Variants in LIFR observed in about 807,000 individuals in gnomAD.
The protein encoded by LIFR is LIF receptor subunit alpha.
LIFR carries 84 observed loss-of-function variants against 122.2 expected under a neutral mutation model. The observed-to-expected ratio is 0.69, with a 90% CI of 0.58 to 0.82. LIFR has a LOEUF of 0.82. LIFR is among the 40% of genes least tolerant of loss of function. The probability of loss-of-function intolerance (pLI) is 0.00; values close to 1 mark genes in which losing one functional copy is unlikely to be tolerated. For missense variants in LIFR, 1,294 were observed against 1,311.6 expected (o/e 0.99, Z 0.21); for synonymous variants, 422 against 434.7 (o/e 0.97, Z 0.36).
chr5:38,601,011 G>A (rs1750212788), intron 2 of LIFR, among the ~76,000 whole-genome samples: 1 of 152,164 alleles, frequency 6.6e-6, no homozygotes, highest in Admixed American at 6.5e-5. Context: ...GGGTGTTATG[G>A]ACTGAATATT....
At chr5:38,488,221 A>G (rs540552520) in intron 16 of LIFR, among the ~76,000 whole-genome samples, 1 of 152,294 alleles carries the variant, frequency 6.6e-6, no homozygotes, top group South Asian at 2.1e-4. Flanking sequence ...GCAATCATGA[A>G]GGTTCAGGAA....
At chr5:38,487,264 A>G (rs374152530) in intron 16 of LIFR, among the ~76,000 whole-genome samples, 3 of 152,322 alleles carry the variant, frequency 2.0e-5, no homozygotes, top group African/African-American at 4.8e-5. Flanking sequence ...GGGAAAGTAA[A>G]TGTTTGCAGC....
At chr5:38,550,566 T>G (rs1748148191) in intron 1 of LIFR, among the ~76,000 whole-genome samples, 1 of 152,234 alleles carries the variant, frequency 6.6e-6, no homozygotes, top group African/African-American at 2.4e-5. Flanking sequence ...AACTGTATAT[T>G]CTTTCAGATT....
intron 1 of LIFR, among the ~76,000 whole-genome samples, chr5:38,533,891 A>G (rs1747152836): frequency 6.6e-6 from 1 of 152,244 alleles, no homozygotes; most frequent in South Asian, 2.1e-4. Context: ...AGCATCTTTT[A>G]TCTCAAGAAT....
At chr5:38,493,924 A>G in intron 13 of LIFR, 139 bp from the exon 14 acceptor site, 3 of 718,554 alleles carry the variant, frequency 4.2e-6, no homozygotes, top group South Asian at 3.3e-5. Flanking sequence ...ATAAACCTAG[A>G]GCAAAGATTA....
Position 38,476,932 on chromosome 5 carries a change from C to A in LIFR, c.*4663G>T, listed in dbSNP as rs1012674708. On this transcript the variant is annotated 3_prime_UTR_variant, in exon 20 of 20. Transcript: ENST00000453190. ...TTCCTAATATAGGGAAAAATAAGCACCATTCATAGCTAAAAATAATAGAAT... is the reference window on the plus strand; with the variant it reads ...TTCCTAATATAGGGAAAAATAAGCAACATTCATAGCTAAAAATAATAGAAT... 4.6e-6 allele frequency: 1 copy of A among 217,258 alleles called. No homozygotes were observed. Among genetic ancestry groups the A allele is most frequent in the South Asian group, 1.9e-4 (1 of 5,366 alleles). The allele number at this position is 217,258 out of a possible 1,614,324, so 13.5% of individuals were successfully genotyped here. A position where few individuals can be genotyped will look rare whatever the true frequency, so the allele number is the denominator to read the frequency against.
rs148260839 is a variant in LIFR, at chr5:38,535,218, C to G, written c.-19-4552G>C. Among the ~76,000 whole-genome samples, 91 of 152,268 alleles carry G rather than the reference C, an allele frequency of 6.0e-4. 2 individuals carry two copies. The South Asian group carries it at 0.01, about 17-fold the overall frequency. Reference sequence around the variant, plus strand: ...GGCTGCCATTCCACAGCTGCCAGACCCTTCAGGACTCCTTAGGCCAGCACC... The same window carrying G: ...GGCTGCCATTCCACAGCTGCCAGACGCTTCAGGACTCCTTAGGCCAGCACC... On this transcript the variant is annotated intron_variant, in intron 1 of 19. Transcript: ENST00000453190.
intron 1 of LIFR, among the ~76,000 whole-genome samples, chr5:38,544,948 C>T (rs911943473): frequency 6.6e-6 from 1 of 152,052 alleles, no homozygotes; most frequent in Admixed American, 6.6e-5. Flanking sequence ...AGTTATGCAC[C>T]ATGGAAGATT....
intron 6 of LIFR, among the ~76,000 whole-genome samples, 183 bp from the exon 7 acceptor site, chr5:38,510,901 A>T (rs963149880): frequency 6.6e-5 from 10 of 150,530 alleles, no homozygotes; most frequent in African/African-American, 2.4e-4. Context: ...CAGGTTTTGT[A>T]GGAGCAAGAT....
intron 1 of LIFR, among the ~76,000 whole-genome samples, chr5:38,544,193 CTT>C (rs963850308): frequency 1.3e-5 from 2 of 152,142 alleles, no homozygotes; most frequent in Non-Finnish European, 2.9e-5. Flanking sequence ...AAGTGGTCCT[CTT>C]GTTTCCAGTC....
chr5:38,509,823 C>A (rs1580071985), intron 7 of LIFR, among the ~76,000 whole-genome samples: 1 of 152,302 alleles, frequency 6.6e-6, no homozygotes, highest in African/African-American at 2.4e-5. Flanking sequence ...ACATTCAACA[C>A]AAGCCACATG....
At chr5:38,562,461 A>C (rs1748871934) in intron 1 of LIFR, among the ~76,000 whole-genome samples, 1 of 152,206 alleles carries the variant, frequency 6.6e-6, no homozygotes, top group Non-Finnish European at 1.5e-5. Flanking sequence ...AATTGATGCT[A>C]CCTTCTTTCT....
intron 1 of LIFR, among the ~76,000 whole-genome samples, chr5:38,545,874 A>T (rs1747861402): frequency 6.6e-6 from 1 of 151,250 alleles, no homozygotes; most frequent in African/African-American, 2.4e-5. Flanking sequence ...AAAAAAAGAA[A>T]AAAAAAAAAA....
intron 1 of LIFR, among the ~76,000 whole-genome samples, chr5:38,592,920 A>G (rs556458969): frequency 6.6e-6 from 1 of 151,764 alleles, no homozygotes; most frequent in African/African-American, 2.4e-5. Context: ...AAGGAGAAGG[A>G]GCAGCTGGGC....
At chr5:38,552,648 GT>G (rs1029223182) in intron 1 of LIFR, among the ~76,000 whole-genome samples, 1 of 152,080 alleles carries the variant, frequency 6.6e-6, no homozygotes, top group African/African-American at 2.4e-5. Flanking sequence ...GAAAAGGTTT[GT>G]TTTTAAGGTT....
intron 1 of LIFR, among the ~76,000 whole-genome samples, chr5:38,589,738 G>T (rs1009143482): frequency 6.6e-6 from 1 of 151,814 alleles, no homozygotes; most frequent in African/African-American, 2.4e-5. Flanking sequence ...GTGTGTGTGT[G>T]TGTGTGTGTG....
intron 1 of LIFR, among the ~76,000 whole-genome samples, chr5:38,573,498 A>C (rs180687918): frequency 1.0e-3 from 154 of 152,358 alleles, no homozygotes; most frequent in South Asian, 1.7e-3. Flanking sequence ...GACTGTTCCT[A>C]GAATGAAAAT....
At chr5:38,573,785 TTCCCAGTCC>T (rs1387668076) in intron 1 of LIFR, among the ~76,000 whole-genome samples, 1 of 152,124 alleles carries the variant, frequency 6.6e-6, no homozygotes. Context: ...CCCACCCTAT[TTCCCAGTCC>T]TCTTTTTGCC....
At chr5:38,558,852 TA>T (rs1748721694), upstream of LIFR, 1 of 152,152 alleles carries the variant, frequency 6.6e-6, no homozygotes, top group South Asian at 2.1e-4. Flanking sequence ...TTTCTCTCCC[TA>T]ACAAGTGAGG....
Sources: gnomAD v4.1 joint callset for allele counts (sites outside exome capture counted in the v4.1 genomes callset) on GRCh38, gnomAD v4.1.1 for gene constraint, MANE v1.5 for transcripts, NCBI Gene and HGNC (gene_info 2026-07-23, HGNC 2026-07-21) for gene names.